Variants in CARMIL1 observed in about 807,000 individuals in gnomAD.
The protein encoded by CARMIL1 is F-actin-uncapping protein LRRC16A.
Under a neutral mutation model 177.1 loss-of-function variants are expected in CARMIL1, and 90 were observed. The ratio of observed to expected loss-of-function variants is 0.51; its 90% CI spans 0.43 to 0.61. The LOEUF (loss-of-function observed/expected upper bound fraction) is 0.61, where lower values mean the gene tolerates loss of function less well. Ranked by LOEUF, CARMIL1 falls within the 20% of genes least tolerant of loss-of-function variation. The pLI is 0.00. For synonymous variants in CARMIL1, 577 were observed against 606.2 expected (o/e 0.95, Z 0.71); for missense variants, 1,380 against 1,667.0 (o/e 0.83, Z 3.00).
chr6:25,405,198 T>C (rs563840065), intron 2 of CARMIL1, among the ~76,000 whole-genome samples: 16 of 152,372 alleles, frequency 1.1e-4, no homozygotes, highest in Admixed American at 3.3e-4. Context: ...TGATCTCATT[T>C]ACCTGAGCTT....
At chr6:25,332,269 T>C (rs1037962545) in intron 2 of CARMIL1, among the ~76,000 whole-genome samples, 4 of 152,190 alleles carry the variant, frequency 2.6e-5, no homozygotes, top group Admixed American at 6.5e-5. Context: ...CTTTTCCCCA[T>C]TTACTCGTTT....
At chr6:25,442,774 A>G (rs1396922046) in intron 5 of CARMIL1, among the ~76,000 whole-genome samples, 1 of 152,178 alleles carries the variant, frequency 6.6e-6, no homozygotes, top group African/African-American at 2.4e-5. Flanking sequence ...CTACTTGAAA[A>G]GGCCCCGCTG....
chr6:25,518,204 C>T (rs116019748), intron 22 of CARMIL1, among the ~76,000 whole-genome samples: 1,919 of 152,234 alleles, frequency 0.013, 29 homozygotes, highest in African/African-American at 0.037. Context: ...TGAGGCCTCC[C>T]AGGAGGGCCT....
intron 24 of CARMIL1, among the ~76,000 whole-genome samples, chr6:25,530,344 T>G (rs924671477): frequency 6.6e-6 from 1 of 152,150 alleles, no homozygotes; most frequent in African/African-American, 2.4e-5. Context: ...ACCCTGTCTC[T>G]ACTAAACATA....
intron 2 of CARMIL1, among the ~76,000 whole-genome samples, chr6:25,285,121 T>C (rs1266797985): frequency 2.6e-5 from 4 of 152,346 alleles, no homozygotes; most frequent in South Asian, 2.1e-4. Flanking sequence ...GGCTTTTAGA[T>C]TGTATTTCTC....
chr6:25,496,254 G>T (rs1477362680), intron 16 of CARMIL1, among the ~76,000 whole-genome samples: 1 of 152,108 alleles, frequency 6.6e-6, no homozygotes, highest in Admixed American at 6.5e-5. Context: ...GAGGTGGGCA[G>T]ATCACTTGAG....
intron 2 of CARMIL1, among the ~76,000 whole-genome samples, chr6:25,397,500 T>TA (rs1384583134): frequency 6.6e-6 from 1 of 151,928 alleles, no homozygotes; most frequent in East Asian, 1.9e-4. Flanking sequence ...TCTGAAGGGG[T>TA]AGAGGGTAAG....
chr6:25,432,369 C>G (rs1796864895), intron 4 of CARMIL1, among the ~76,000 whole-genome samples: 1 of 152,152 alleles, frequency 6.6e-6, no homozygotes, highest in African/African-American at 2.4e-5. Flanking sequence ...AGTTCATAAA[C>G]TCAGATAAAA....
At chr6:25,606,519 G>A (rs1413639540) in intron 35 of CARMIL1, among the ~76,000 whole-genome samples, 1 of 152,182 alleles carries the variant, frequency 6.6e-6, no homozygotes, top group Non-Finnish European at 1.5e-5. Context: ...GCTTTCAGGG[G>A]TACAGGTTAG....
chr6:25,411,328 A>C (rs776489266), intron 2 of CARMIL1, among the ~76,000 whole-genome samples: 1 of 151,978 alleles, frequency 6.6e-6, no homozygotes, highest in African/African-American at 2.4e-5. Flanking sequence ...ACTCATCTTC[A>C]CCCTTGGCCT....
chr6:25,599,421 T>C (rs1275670212), intron 32 of CARMIL1, among the ~76,000 whole-genome samples: 1 of 152,244 alleles, frequency 6.6e-6, no homozygotes, highest in Non-Finnish European at 1.5e-5. Context: ...TTTGTTATTA[T>C]TTTAATGGCG....
At chr6:25,390,301 TATATATATA>T in intron 2 of CARMIL1, among the ~76,000 whole-genome samples, 1 of 51,680 alleles carries the variant, frequency 1.9e-5, no homozygotes, top group Non-Finnish European at 3.9e-5. Context: ...TACATATATA[TATATATATA>T]TATATATATA....
intron 4 of CARMIL1, 122 bp from the exon 5 acceptor site, chr6:25,435,361 A>G (rs1452715240): frequency 8.5e-7 from 1 of 1,178,976 alleles, no homozygotes; most frequent in East Asian, 3.0e-5. Context: ...TTGTTAAAGA[A>G]AAAAAAAGCT....
intron 2 of CARMIL1, among the ~76,000 whole-genome samples, chr6:25,359,925 A>G (rs1789011855): frequency 6.6e-6 from 1 of 152,238 alleles, no homozygotes; most frequent in African/African-American, 2.4e-5. Flanking sequence ...AAAAAAGTTT[A>G]ACTTTTTTTA....
chr6:25,472,561 A>T (rs774479229), intron 11 of CARMIL1, 40 bp downstream of exon 11: 6 of 1,457,530 alleles, frequency 4.1e-6, no homozygotes, highest in Non-Finnish European at 3.8e-6. Flanking sequence ...CCAGAATTGT[A>T]AGAGGATTAG....
intron 34 of CARMIL1, among the ~76,000 whole-genome samples, chr6:25,605,799 A>G (rs1412967200): frequency 1.3e-5 from 2 of 152,272 alleles, no homozygotes; most frequent in Non-Finnish European, 2.9e-5. Context: ...ATTATTAAAT[A>G]TAAAAGCTTG....
intron 23 of CARMIL1, 80 bp from the exon 24 acceptor site, chr6:25,528,715 G>A: frequency 1.9e-6 from 2 of 1,058,306 alleles, no homozygotes; most frequent in Non-Finnish European, 2.9e-6. Context: ...TTTAAGTTCG[G>A]CAACTGACTG....
In CARMIL1 at chr6:25,505,873, C is replaced by G. The variant is rs144851685; in HGVS notation, c.1396-3783C>G. Among the ~76,000 whole-genome samples the G allele has an allele frequency of 4.6e-3, 705 of 152,226 alleles. 4 individuals are homozygous for G. Among genetic ancestry groups the G allele is most frequent in the African/African-American group, 0.015 (606 of 41,542 alleles). Reference sequence around the variant, plus strand: ...TCTCCTTCCAAATAGACAAAAGTCTCTAATACTTCAGAGAAGATGCAAAGG... The same window carrying G: ...TCTCCTTCCAAATAGACAAAAGTCTGTAATACTTCAGAGAAGATGCAAAGG... On this transcript the variant is annotated intron_variant, in intron 17 of 36. Coordinates refer to ENST00000329474, the MANE Select transcript of CARMIL1 (RefSeq NM_017640.6).
At chr6:25,612,570 C>A (rs1282700342) in intron 36 of CARMIL1, among the ~76,000 whole-genome samples, 2 of 152,150 alleles carry the variant, frequency 1.3e-5, no homozygotes, top group Non-Finnish European at 2.9e-5. Context: ...CTGTTGAATT[C>A]TGTAGATAAT....
Sources: gnomAD v4.1 joint callset for allele counts (sites outside exome capture counted in the v4.1 genomes callset) on GRCh38, gnomAD v4.1.1 for gene constraint, MANE v1.5 for transcripts, NCBI Gene and HGNC (gene_info 2026-07-23, HGNC 2026-07-21) for gene names.